The following DENND2B variants were observed in gnomAD, a reference collection of about 807,000 sequenced individuals.
DENND2B encodes DENN domain-containing protein 2B.
A neutral mutation model predicts 116.0 loss-of-function variants in DENND2B; 32 were observed. The observed-to-expected ratio is 0.28, with a 90% CI of 0.21 to 0.37. DENND2B has a LOEUF of 0.37. DENND2B is among the 10% of genes least tolerant of loss of function. DENND2B has a pLI of 1.00. For synonymous variants in DENND2B, 588 were observed against 583.9 expected, an observed-to-expected ratio of 1.01 and a Z score of -0.10; for missense variants, 1,276 against 1,477.7, an observed-to-expected ratio of 0.86 and a Z score of 2.24.
At chr11:8,753,167 G>C (rs1273374477) in intron 1 of DENND2B, among the ~76,000 whole-genome samples, 1 of 152,122 alleles carries the variant, frequency 6.6e-6, no homozygotes, top group African/African-American at 2.4e-5. Flanking sequence ...AACCTGGGAG[G>C]CAGAGGTTGC....
intron 1 of DENND2B, among the ~76,000 whole-genome samples, chr11:8,889,966 G>A (rs948121012): frequency 2.0e-5 from 3 of 152,200 alleles, no homozygotes; most frequent in East Asian, 3.9e-4. Context: ...CCTGACCCCC[G>A]AGTAGCCTAA....
intron 2 of DENND2B, among the ~76,000 whole-genome samples, chr11:8,878,144 A>G (rs1408207068): frequency 6.6e-6 from 1 of 152,222 alleles, no homozygotes; most frequent in East Asian, 1.9e-4. Flanking sequence ...AACCAGCTGT[A>G]AGAACAGTGA....
intron 14 of DENND2B, 152 bp from the exon 15 acceptor site, chr11:8,699,542 C>G: frequency 1.4e-6 from 1 of 728,134 alleles, no homozygotes; most frequent in Non-Finnish European, 2.2e-6. Context: ...AAAGTCCCCG[C>G]TTTCCCACTG....
intron 4 of DENND2B, among the ~76,000 whole-genome samples, chr11:8,724,649 C>CAGACAAAT (rs1246377617): frequency 4.6e-5 from 7 of 152,246 alleles, no homozygotes; most frequent in African/African-American, 1.7e-4. Flanking sequence ...ACCATGTCTT[C>CAGACAAAT]CCACCTGTTG....
At chr11:8,715,917 C>G (rs2044680016) in intron 5 of DENND2B, 99 bp from the exon 6 acceptor site, 5 of 1,116,888 alleles carry the variant, frequency 4.5e-6, no homozygotes, top group African/African-American at 1.6e-5. Flanking sequence ...GGGCCGGCAT[C>G]CCTGGATCCC....
chr11:8,828,620 G>C lies in DENND2B; in HGVS notation c.-115+10690C>G, dbSNP rs558056735. 8.5e-5 allele frequency among the ~76,000 whole-genome samples: 13 copies of C among 152,178 alleles called. No individual in the cohort carries two copies. The South Asian group carries it at 2.5e-3, about 29-fold the overall frequency. On this transcript the variant is annotated intron_variant, in intron 4 of 6. Coordinates refer to the DENND2B transcript ENST00000524757. Reference sequence around the variant, plus strand: ...AGAATGGGGACAAGCAGGGCGGACCGAGCACTCTTTTAATAGGAAACAAGG... The same window carrying C: ...AGAATGGGGACAAGCAGGGCGGACCCAGCACTCTTTTAATAGGAAACAAGG...
intron 1 of DENND2B, among the ~76,000 whole-genome samples, chr11:8,894,184 T>C (rs1301262864): frequency 6.6e-6 from 1 of 152,292 alleles, no homozygotes; most frequent in Non-Finnish European, 1.5e-5. Context: ...CTGGGAAAAC[T>C]TGCTAGCCAT....
chr11:8,704,565 G>T (rs1244332440), intron 13 of DENND2B, among the ~76,000 whole-genome samples: 3 of 152,190 alleles, frequency 2.0e-5, no homozygotes, highest in Non-Finnish European at 4.4e-5. Flanking sequence ...GCTAGGATTT[G>T]CCACTGCTCA....
chr11:8,870,846 C>G (rs2063759450), intron 2 of DENND2B: 1 of 152,258 alleles, frequency 6.6e-6, no homozygotes, highest in Non-Finnish European at 1.5e-5. Flanking sequence ...GAGCTGGACA[C>G]CGCTGCCGGG....
rs1189477984 is a variant in DENND2B at position 8,712,501 on chromosome 11, A to C, written c.2172+50T>G. 3 of 1,514,490 alleles carry C rather than the reference A, an allele frequency of 2.0e-6. No individual in the cohort carries two copies. The highest frequency in any genetic ancestry group is 8.9e-7 in the Non-Finnish European group (1 of 1,121,778). The allele number at this position is 1,514,490 out of a possible 1,614,324, so 93.8% of individuals were successfully genotyped here. On this transcript the variant is annotated intron_variant, in intron 9 of 19. Transcript: ENST00000313726. This position sits in a 1 kb window ranked among gnomAD's most constrained non-coding sequence, Gnocchi z 4.4. Reference sequence around the variant, plus strand: ...TTCCCCAGATAGGCCTGGCGGATAGAGGATGGAAGAGGGGGAATATGGGCA... The same window carrying C: ...TTCCCCAGATAGGCCTGGCGGATAGCGGATGGAAGAGGGGGAATATGGGCA...
intron 3 of DENND2B, 22 bp downstream of exon 3, chr11:8,729,928 A>T: frequency 6.2e-7 from 1 of 1,610,810 alleles, no homozygotes; most frequent in South Asian, 1.1e-5. Flanking sequence ...CAGCTACAAC[A>T]CACCGGAGGG....
intron 1 of DENND2B, among the ~76,000 whole-genome samples, chr11:8,783,831 A>G (rs1014060847): frequency 1.3e-5 from 2 of 152,236 alleles, no homozygotes; most frequent in Non-Finnish European, 2.9e-5. Context: ...CGAAACGAAG[A>G]GCCAGGAGGA....
At chr11:8,870,649 A>G (rs1352736621) in intron 2 of DENND2B, among the ~76,000 whole-genome samples, 1 of 151,076 alleles carries the variant, frequency 6.6e-6, no homozygotes, top group Admixed American at 6.6e-5. Context: ...ACGTCCCGAG[A>G]TCGGGTCTCC....
chr11:8,839,678 G>T (rs76419680), intron 3 of DENND2B, among the ~76,000 whole-genome samples: 1,759 of 152,186 alleles, frequency 0.012, 44 homozygotes, highest in African/African-American at 0.041. Context: ...GAAGAGGGAA[G>T]GAAAAAACCT....
chr11:8,758,417 C>T (rs1214607020), intron 1 of DENND2B, among the ~76,000 whole-genome samples: 1 of 152,136 alleles, frequency 6.6e-6, no homozygotes, highest in Admixed American at 6.5e-5. Context: ...AGGTGTGCTC[C>T]GTCTTCCTGT....
intron 2 of DENND2B, among the ~76,000 whole-genome samples, chr11:8,862,934 A>T (rs2063447611): frequency 1.3e-5 from 2 of 152,136 alleles, no homozygotes; most frequent in South Asian, 4.1e-4. Context: ...GTTTTCTTGA[A>T]CAAACCTAAC....
chr11:8,874,084 A>T (rs1476157821), upstream of DENND2B, among the ~76,000 whole-genome samples: 3 of 152,204 alleles, frequency 2.0e-5, no homozygotes, highest in African/African-American at 7.2e-5. Context: ...ACAAGATTTG[A>T]GCATAAACAT....
intron 4 of DENND2B, among the ~76,000 whole-genome samples, chr11:8,823,254 T>C (rs1311365668): frequency 6.6e-6 from 1 of 152,040 alleles, no homozygotes; most frequent in Non-Finnish European, 1.5e-5. Flanking sequence ...TCTTGATCTT[T>C]AAAGAAAAAA....
At chr11:8,820,370 A>G (rs1164577182) in intron 4 of DENND2B, among the ~76,000 whole-genome samples, 1 of 152,238 alleles carries the variant, frequency 6.6e-6, no homozygotes, top group African/African-American at 2.4e-5. Context: ...TAACTTATCA[A>G]TTAAAATGCT....
Sources: gnomAD v4.1 joint callset for allele counts (sites outside exome capture counted in the v4.1 genomes callset) on GRCh38, gnomAD v4.1.1 for gene constraint, Gnocchi (gnomAD v3.1) non-coding constraint, MANE v1.5 for transcripts, NCBI Gene and HGNC (gene_info 2026-07-23, HGNC 2026-07-21) for gene names.